Variants in PLEKHS1 observed in about 807,000 individuals in gnomAD.
PLEKHS1 encodes pleckstrin homology domain-containing family S member 1.
Under a neutral mutation model 51.0 loss-of-function variants are expected in PLEKHS1, and 55 were observed. That is an observed-to-expected ratio of 1.08 (90% CI 0.87 to 1.35). The LOEUF is 1.35. PLEKHS1 is among the 40% of genes most tolerant of loss of function. The pLI is 0.00. For missense variants in PLEKHS1, 398 were observed against 423.0 expected (o/e 0.94, Z 0.52); for synonymous variants, 153 against 144.8 (o/e 1.06, Z -0.41).
intron 9 of PLEKHS1, among the ~76,000 whole-genome samples, chr10:113,774,618 T>G (rs1844563744): frequency 6.6e-6 from 1 of 152,168 alleles, no homozygotes; most frequent in Non-Finnish European, 1.5e-5. Context: ...CCAAACACTG[T>G]AAAGGGTAAT....
At position 113,763,866 on chromosome 10, in the gene PLEKHS1, G is replaced by A. The variant is rs144115686; in HGVS notation, c.29-2545G>A. ...AAAATAATTTCATACATTTACCCCA[G>A]TAGTTACCATTTCAGTGCTTTCAAT... On this transcript the variant is annotated intron_variant, in intron 2 of 11. Transcript: ENST00000361048. Among the ~76,000 whole-genome samples, 544 of 152,172 alleles carry A rather than the reference G, an allele frequency of 3.6e-3. 6 individuals are homozygous for A. Among genetic ancestry groups the A allele is most frequent in the African/African-American group, 0.013 (528 of 41,526 alleles).
At position 113,766,294 on chromosome 10, in the gene PLEKHS1, T is replaced by C. The variant is rs78924486; in HGVS notation, c.29-117T>C. The C allele has an allele frequency of 3.2e-3, 2,119 of 654,108 alleles. 61 individuals carry two copies. The East Asian group carries it at 0.052, about 16-fold the overall frequency. 40.5% of individuals were successfully genotyped at this position (654,108 alleles called of 1,614,324 possible). ...TTCTTGGGTTATTATAGGTGTCCTT[T>C]TCCATAACTACTGAATAATCTGAAG... is the stretch of plus-strand genomic sequence containing the variant. On this transcript the variant is annotated intron_variant, in intron 2 of 11. Coordinates refer to ENST00000361048, the Ensembl canonical transcript of PLEKHS1.
At chr10:113,767,220 G>T in intron 4 of PLEKHS1, 125 bp from the exon 5 acceptor site, 1 of 645,786 alleles carries the variant, frequency 1.5e-6, no homozygotes, top group Non-Finnish European at 2.3e-6. Flanking sequence ...TAAAATTATT[G>T]GACAATCTTG....
At chr10:113,763,085 A>AGTT (rs1844015520) in intron 2 of PLEKHS1, among the ~76,000 whole-genome samples, 1 of 152,216 alleles carries the variant, frequency 6.6e-6, no homozygotes, top group African/African-American at 2.4e-5. Context: ...TTATTCATGC[A>AGTT]GTTCTATCAG....
At chr10:113,777,057 C>A in intron 11 of PLEKHS1, 67 bp from the exon 12 acceptor site, 2 of 1,578,894 alleles carry the variant, frequency 1.3e-6, no homozygotes, top group Non-Finnish European at 8.6e-7. Flanking sequence ...TCAGGAGACC[C>A]TGCGTGCCCT....
At chr10:113,753,626 G>A (rs1027634589) in intron 1 of PLEKHS1, among the ~76,000 whole-genome samples, 2 of 152,052 alleles carry the variant, frequency 1.3e-5, no homozygotes, top group African/African-American at 4.8e-5. Context: ...GATTATACAG[G>A]ATACCTCAAG....
At chr10:113,766,224 G>A (rs1442137579) in intron 2 of PLEKHS1, among the ~76,000 whole-genome samples, 187 bp from the exon 3 acceptor site, 2 of 152,192 alleles carry the variant, frequency 1.3e-5, no homozygotes, top group African/African-American at 4.8e-5. Context: ...TTGAATGAAG[G>A]TCTCGGCTGT....
chr10:113,757,641 T>C (rs1593007443), intron 2 of PLEKHS1, among the ~76,000 whole-genome samples: 1 of 152,228 alleles, frequency 6.6e-6, no homozygotes, highest in Non-Finnish European at 1.5e-5. Flanking sequence ...GCGCTGGCTG[T>C]GGCAATTTCT....
intron 2 of PLEKHS1, among the ~76,000 whole-genome samples, chr10:113,756,863 A>G (rs1049826888): frequency 2.0e-5 from 3 of 151,750 alleles, no homozygotes; most frequent in African/African-American, 4.8e-5. Flanking sequence ...TAACTGTTGA[A>G]GCATTTTGAG....
chr10:113,774,825 GT>G lies in PLEKHS1; in HGVS notation c.785del (p.Phe262SerfsTer59), dbSNP rs1277936764. Reference sequence around the variant, plus strand: ...GCTTGTTTTAACTTCTTATGCTCTAGTTTTTTCAAAGAGACATCCCATGAGT... The same window carrying G: ...GCTTGTTTTAACTTCTTATGCTCTAGTTTTTCAAAGAGACATCCCATGAGT... On this transcript the variant is annotated frameshift_variant and splice_region_variant, in exon 10 of 12. Transcript: ENST00000361048. LOFTEE classifies it high-confidence loss of function. The G allele has an allele frequency of 1.2e-6, 2 of 1,613,196 alleles. No individual in the cohort carries two copies. Among genetic ancestry groups the G allele is most frequent in the East Asian group, 2.2e-5 (1 of 44,876 alleles).
At chr10:113,768,879 C>A in exon 6 of PLEKHS1, 2 of 1,612,986 alleles carry the variant, frequency 1.2e-6, no homozygotes, top group Non-Finnish European at 1.7e-6. Flanking sequence ...AGCAACACAG[C>A]AGAACACAGA....
intron 2 of PLEKHS1, among the ~76,000 whole-genome samples, chr10:113,762,683 T>C (rs1402549984): frequency 1.3e-5 from 2 of 152,046 alleles, no homozygotes; most frequent in Non-Finnish European, 2.9e-5. Flanking sequence ...ATGATTTATA[T>C]GATTTGAATG....
intron 11 of PLEKHS1, 138 bp downstream of exon 12, chr10:113,777,397 A>G: frequency 1.9e-6 from 3 of 1,610,538 alleles, no homozygotes; most frequent in Non-Finnish European, 2.5e-6. Flanking sequence ...CAAATAACAG[A>G]ATGTGCTTTC....
chr10:113,762,344 C>T (rs137999545), intron 2 of PLEKHS1, among the ~76,000 whole-genome samples: 1,807 of 107,004 alleles, frequency 0.017, 44 homozygotes, highest in African/African-American at 0.055. Context: ...CTCCCTTCCT[C>T]TATTGACTTT....
chr10:113,754,461 T>C (rs1854003395), intron 1 of PLEKHS1, among the ~76,000 whole-genome samples: 1 of 152,182 alleles, frequency 6.6e-6, no homozygotes, highest in South Asian at 2.1e-4. Flanking sequence ...GAAAGGATGC[T>C]GCCTCTCAGA....
At chr10:113,782,197 C>A (rs527870380) in exon 12 of PLEKHS1, 1 of 152,098 alleles carries the variant, frequency 6.6e-6, no homozygotes, top group Non-Finnish European at 1.5e-5. Context: ...TGGAAAAAAT[C>A]GAGCCCCGGA....
intron 2 of PLEKHS1, among the ~76,000 whole-genome samples, chr10:113,758,401 G>A (rs1399549041): frequency 1.3e-5 from 2 of 152,132 alleles, no homozygotes; most frequent in Admixed American, 1.3e-4. Context: ...CAGGTGTATT[G>A]TCAATGATCA....
rs1844073392 is a variant in PLEKHS1, at chr10:113,764,367, G to C, written c.29-2044G>C. On this transcript the variant is annotated intron_variant, in intron 2 of 11. Coordinates refer to ENST00000361048, the Ensembl canonical transcript of PLEKHS1. Reference sequence around the variant, plus strand: ...CACCACCTCAGCCTCCCAAAGTGCTGGGATTACAGTTGTGAGCCACCACAC... The same window carrying C: ...CACCACCTCAGCCTCCCAAAGTGCTCGGATTACAGTTGTGAGCCACCACAC... Among the ~76,000 whole-genome samples the C allele has an allele frequency of 2.0e-5, 3 of 152,134 alleles. No homozygotes were observed. The South Asian group carries it at 6.2e-4, about 32-fold the overall frequency.
exon 4 of PLEKHS1, chr10:113,766,627 C>T (rs776032199): frequency 1.5e-5 from 24 of 1,608,260 alleles, no homozygotes; most frequent in Admixed American, 5.1e-5. Flanking sequence ...TTGGAAAAAG[C>T]GGTTTTTCAT....
Sources: allele counts gnomAD v4.1 joint callset (sites outside exome capture counted in the v4.1 genomes callset), GRCh38; gene constraint gnomAD v4.1.1; transcripts MANE v1.5; gene names NCBI Gene and HGNC (gene_info 2026-07-23, HGNC 2026-07-21).